HHATL: variants seen among roughly 807,000 people sequenced by gnomAD.
The protein encoded by HHATL is hedgehog acyltransferase like, also known as protein-cysteine N-palmitoyltransferase HHAT-like protein.
A neutral mutation model predicts 59.7 loss-of-function variants in HHATL; 49 were observed. That is an observed-to-expected ratio of 0.82 (90% CI 0.65 to 1.04). The LOEUF is 1.04. HHATL is among the 50% of genes least tolerant of loss of function. The pLI, the probability that HHATL is intolerant of heterozygous loss-of-function variation, is 0.00. For missense variants in HHATL, 605 were observed against 650.8 expected (o/e 0.93, Z 0.77); for synonymous variants, 238 against 257.3 (o/e 0.93, Z 0.72).
At chr3:42,697,711 G>A (rs1249265213) in intron 6 of HHATL, 32 bp from the exon 7 acceptor site, 1 of 1,598,332 alleles carries the variant, frequency 6.3e-7, no homozygotes, top group African/African-American at 1.3e-5. Flanking sequence ...GAGGGAAGAG[G>A]CAAGCCCTGC....
chr3:42,693,634 G>A lies in HHATL; in HGVS notation c.1231C>T (p.Pro411Ser), dbSNP rs1559618287. 1.2e-6 allele frequency: 2 copies of A among 1,613,990 alleles called. No individual in the cohort carries two copies. The highest frequency in any genetic ancestry group is 1.7e-6 in the Non-Finnish European group (2 of 1,179,928). ...CTGCTCACCTCAATTCGTGCTAGGG[G>A]CCCCCACTCTGCCAGTTTTTGCATC... ...LWMQKLAEWGPLARIEASLSV... is the reference protein window; with the variant it reads ...LWMQKLAEWGSLARIEASLSV... The change falls in exon 10 of 12, where the codon CCC becomes TCC. Residue 411 changes from proline (P) to serine (S), a missense_variant. By Grantham distance (74) the Pro-to-Ser change is moderately conservative. Coordinates refer to ENST00000441594, the MANE Select transcript of HHATL (RefSeq NM_020707.4).
At chr3:42,700,979 G>A in intron 1 of HHATL, 140 bp from the exon 2 acceptor site, 1 of 614,950 alleles carries the variant, frequency 1.6e-6, no homozygotes, top group Non-Finnish European at 3.0e-6. Context: ...CCATCACTCT[G>A]CCTGCCCCTG....
chr3:42,692,733 CCCTCTA>C lies in HHATL; in HGVS notation c.*12_*17del, dbSNP rs1190749132. ...CCAAGAATAGCTGAGCAGAGCCCATCCCTCTACCCGCTCCCTCCTACTCCGGCTTCT... is the reference window on the plus strand; with the variant it reads ...CCAAGAATAGCTGAGCAGAGCCCATCCCCGCTCCCTCCTACTCCGGCTTCT... On this transcript the variant is annotated 3_prime_UTR_variant, in exon 12 of 12. Coordinates refer to ENST00000441594, the MANE Select transcript of HHATL (RefSeq NM_020707.4). 6.2e-7 allele frequency: 1 copy of C among 1,614,082 alleles called. No homozygotes were observed. Among genetic ancestry groups the C allele is most frequent in the Non-Finnish European group, 8.5e-7 (1 of 1,180,028 alleles).
chr3:42,700,600 C>T lies in HHATL; in HGVS notation c.106+121G>A, dbSNP rs139162533. 1,517 of 633,300 alleles carry T rather than the reference C, an allele frequency of 2.4e-3. 11 individuals are homozygous for T. The highest frequency in any genetic ancestry group is 6.4e-3 in the Middle Eastern group (24 of 3,750). 39.2% of individuals were successfully genotyped at this position (633,300 alleles called of 1,614,324 possible). A position where few individuals can be genotyped will look rare whatever the true frequency, so the allele number is the denominator to read the frequency against. On this transcript the variant is annotated intron_variant, in intron 2 of 11. Coordinates refer to ENST00000441594, the MANE Select transcript of HHATL (RefSeq NM_020707.4). Reference sequence around the variant, plus strand: ...CCCGGGCTGAAAAGGGAGATCCAGCCGTGTTCTAGAAGGAGTACCCTAGGT... The same window carrying T: ...CCCGGGCTGAAAAGGGAGATCCAGCTGTGTTCTAGAAGGAGTACCCTAGGT...
chr3:42,698,178 G>A lies in HHATL; in HGVS notation c.657C>T (p.Phe219=), dbSNP rs200198294. The change falls in exon 6 of 12, where the codon TTC becomes TTT. Residue 219 remains phenylalanine, a synonymous_variant. Transcript: ENST00000441594. ...KYNFYLPFFF[F]GPIMTFDRFH... ...AGCGATCAAAGGTCATGATGGGCCC[G>A]AAGAAGAAGAAGGGCAGGTAGAAGT... 15 of 1,612,808 alleles carry A rather than the reference G, an allele frequency of 9.3e-6. No homozygotes were observed. Among genetic ancestry groups the A allele is most frequent in the African/African-American group, 5.3e-5 (4 of 74,876 alleles).
chr3:42,697,430 C>T (rs1697677414), intron 7 of HHATL, 78 bp downstream of exon 7: 2 of 1,506,306 alleles, frequency 1.3e-6, no homozygotes, highest in Admixed American at 3.6e-5. Flanking sequence ...GCTCCCCTGA[C>T]TGTGGCACCG....
chr3:42,700,869 C>T (rs373377850), intron 1 of HHATL, 30 bp from the exon 2 acceptor site: 2 of 1,489,522 alleles, frequency 1.3e-6, no homozygotes, highest in Non-Finnish European at 1.9e-6. Context: ...GAGGGAATTA[C>T]AGTCTCCAGC....
Position 42,697,021 on chromosome 3 carries a change from T to C in HHATL, c.990A>G (p.Ala330=), listed in dbSNP as rs568917036. The change falls in exon 8 of 12, where the codon GCA becomes GCG. Residue 330 remains alanine (A), a synonymous_variant. Transcript: ENST00000441594. ...DPPQPPKCIT[A]LYVFAETHFD... is the part of the protein sequence containing the mutation. Reference sequence around the variant, plus strand: ...CTCACGTTTCCGCAAAGACGTAGAGTGCGGTGATGCACTTGGGAGGCTGGG... The same window carrying C: ...CTCACGTTTCCGCAAAGACGTAGAGCGCGGTGATGCACTTGGGAGGCTGGG... 10 of 1,602,520 alleles carry C rather than the reference T, an allele frequency of 6.2e-6. No individual in the cohort carries two copies. The African/African-American group carries it at 1.3e-4, about 21-fold the overall frequency.
chr3:42,693,921 G>A (rs754033149), intron 9 of HHATL, 103 bp from the exon 10 acceptor site: 17 of 940,674 alleles, frequency 1.8e-5, no homozygotes, highest in Non-Finnish European at 2.5e-5. Context: ...CTGTCACCCT[G>A]GGTGCATTCA....
chr3:42,699,845 T>G lies in HHATL; in HGVS notation c.107-20A>C. The G allele has an allele frequency of 6.5e-7, 1 of 1,549,242 alleles. No homozygotes were observed. Among genetic ancestry groups the G allele is most frequent in the Non-Finnish European group, 8.7e-7 (1 of 1,144,374 alleles). On this transcript the variant is annotated intron_variant, in intron 2 of 11. Coordinates refer to ENST00000441594, the MANE Select transcript of HHATL (RefSeq NM_020707.4). ...CCCCATCTGAGAACAGAGTGTGGCC[T>G]CAGGGAGAGGGGCCTTCACATCCCC...
At chr3:42,693,052 G>A (rs1358709193) in intron 11 of HHATL, 25 bp downstream of exon 11, 1 of 1,613,440 alleles carries the variant, frequency 6.2e-7, no homozygotes, top group South Asian at 1.1e-5. Context: ...GGCACCTTCT[G>A]TATCCCCACA....
At chr3:42,699,275 AT>A in intron 3 of HHATL, 130 bp from the exon 4 acceptor site, 1 of 450,974 alleles carries the variant, frequency 2.2e-6, no homozygotes, top group Non-Finnish European at 4.0e-6. Context: ...TATTATTATC[AT>A]TTTTAAATTT....
intron 9 of HHATL, among the ~76,000 whole-genome samples, chr3:42,695,459 C>T (rs912271767): frequency 1.3e-5 from 2 of 152,212 alleles, no homozygotes; most frequent in Non-Finnish European, 2.9e-5. Context: ...TCTTCACATG[C>T]TGGAGTTCAT....
At chr3:42,697,481 GC>G in intron 7 of HHATL, 26 bp downstream of exon 7, 1 of 1,603,976 alleles carries the variant, frequency 6.2e-7, no homozygotes, top group Non-Finnish European at 8.5e-7. Flanking sequence ...CGGCAGCCCT[GC>G]CCCCATTTCT....
intron 9 of HHATL, chr3:42,694,231 A>G: frequency 4.7e-6 from 1 of 214,554 alleles, no homozygotes; most frequent in South Asian, 8.4e-5. Flanking sequence ...CCATCCATTC[A>G]GTTGCTCAGG....
intron 9 of HHATL, among the ~76,000 whole-genome samples, chr3:42,694,510 C>T (rs1209999967): frequency 3.3e-5 from 5 of 152,222 alleles, no homozygotes; most frequent in Admixed American, 6.5e-5. Flanking sequence ...CACATCACTT[C>T]CATGATTAAC....
In HHATL at chr3:42,697,553, G is replaced by C. The variant is rs757683620; in HGVS notation, c.820C>G (p.Pro274Ala). 13 of 1,613,960 alleles carry C rather than the reference G, an allele frequency of 8.1e-6. No homozygotes were observed. In the East Asian group the frequency reaches 2.7e-4, roughly 33 times the overall value. The stretch of plus-strand genomic sequence containing the variant: ...CGGTTGGCGAACTTGAGGTCGCTGG[G>C]GATAGTGAGGATGTAGAAGAAGTGA... The part of the protein sequence containing the change: ...FFHFFYILTI[P>A]SDLKFANRLP... Residue 274 changes from proline (P) to alanine (A), a missense_variant, in exon 7 of 12, where the codon CCC becomes GCC. Pro to Ala is a conservative substitution (Grantham distance 27). Coordinates refer to ENST00000441594, the MANE Select transcript of HHATL (RefSeq NM_020707.4).
Position 42,696,971 on chromosome 3 carries a change from T to A in HHATL, c.1010+30A>T. 3 of 1,612,518 alleles carry A rather than the reference T, an allele frequency of 1.9e-6. No individual in the cohort carries two copies. In the East Asian group the frequency reaches 6.7e-5, roughly 36 times the overall value. On this transcript the variant is annotated intron_variant, in intron 8 of 11. Transcript: ENST00000441594. ...TAGGGGAAGGTGTGGTCCCAGGGGG[T>A]GAGCCTCCCCCGTCCTGGCCAGCAC...
chr3:42,697,790 A>G, intron 6 of HHATL, 111 bp from the exon 7 acceptor site: 1 of 1,158,238 alleles, frequency 8.6e-7, no homozygotes, highest in Non-Finnish European at 1.2e-6. Flanking sequence ...TTTATCCAGG[A>G]GTCCTGCCTG....
Sources: allele counts gnomAD v4.1 joint callset (sites outside exome capture counted in the v4.1 genomes callset), GRCh38; gene constraint gnomAD v4.1.1; transcripts MANE v1.5; gene names NCBI Gene and HGNC (gene_info 2026-07-23, HGNC 2026-07-21).